The following FGF13 variants were observed in gnomAD, a reference collection of about 807,000 sequenced individuals.
The protein encoded by FGF13 is fibroblast growth factor homologous factor 2.
A neutral mutation model predicts 19.5 loss-of-function variants in FGF13; 2 were observed. The observed-to-expected ratio is 0.10, with a 90% CI of 0.04 to 0.32. The LOEUF (loss-of-function observed/expected upper bound fraction) is 0.32, where lower values mean the gene tolerates loss of function less well. FGF13 is among the 10% of genes least tolerant of loss of function. The probability of loss-of-function intolerance (pLI) is 1.00; values close to 1 mark genes in which losing one functional copy is unlikely to be tolerated. For missense variants in FGF13, 113 were observed against 192.7 expected, an observed-to-expected ratio of 0.59 and a Z score of 2.45; for synonymous variants, 72 against 76.9, an observed-to-expected ratio of 0.94 and a Z score of 0.33.
At chrX:139,150,154 T>C (rs1212405407) in intron 1 of FGF13, among the ~76,000 whole-genome samples, 1 of 111,073 alleles carries the variant, frequency 9.0e-6, no homozygotes, top group Non-Finnish European at 1.9e-5. Flanking sequence ...CAACTCAAAG[T>C]GATAGCTGCT....
chrX:138,875,489 G>A (rs1237089926), intron 1 of FGF13, among the ~76,000 whole-genome samples: 1 of 111,952 alleles, frequency 8.9e-6, no homozygotes, highest in Non-Finnish European at 1.9e-5. Flanking sequence ...AATGACATGC[G>A]ATTACTGAAG....
chrX:138,671,041 C>CACT (rs35135728), intron 3 of FGF13, among the ~76,000 whole-genome samples: 43,130 of 109,476 alleles, frequency 0.39, 7,208 homozygotes, highest in East Asian at 0.64. Flanking sequence ...TCGCCACCAC[C>CACT]ACCACCGCCA....
At chrX:139,038,460 T>C (rs1294195785) in intron 1 of FGF13, among the ~76,000 whole-genome samples, 2 of 111,535 alleles carry the variant, frequency 1.8e-5, no homozygotes, top group Non-Finnish European at 3.8e-5. Flanking sequence ...CCTCACTCCC[T>C]TGACTCCTCT....
chrX:138,817,797 T>G lies in FGF13; in HGVS notation c.217+39715A>C, dbSNP rs185378121. ...TTGAAGTTACAGATGTACATGTTTA[T>G]CTACAACAAGGCCTGGCAAACTTTT... On this transcript the variant is annotated intron_variant, in intron 3 of 6. Coordinates refer to the FGF13 transcript ENST00000436198. Among the ~76,000 whole-genome samples, 9 of 112,408 alleles carry G rather than the reference T, an allele frequency of 8.0e-5. No homozygotes were observed. In the East Asian group the frequency reaches 2.5e-3, roughly 31 times the overall value.
upstream of FGF13, among the ~76,000 whole-genome samples, chrX:138,713,222 T>C (rs1024719129): frequency 1.8e-5 from 2 of 112,618 alleles, no homozygotes; most frequent in African/African-American, 6.5e-5. Flanking sequence ...CTCAAGTCTA[T>C]TCAAGTATCC....
chrX:138,630,499 G>T lies in FGF13; in HGVS notation c.*2351C>A, dbSNP rs991054476. On this transcript the variant is annotated 3_prime_UTR_variant, in exon 5 of 5. Coordinates refer to ENST00000315930, the MANE Select transcript of FGF13 (RefSeq NM_004114.5). ...ATCCAAGATAGCTAGGCAGGTGAGC[G>T]TACCTCATGTAGGTGTGTTTAGAGC... The T allele has an allele frequency of 9.1e-6, 1 of 110,015 alleles. No individual in the cohort carries two copies. The highest frequency in any genetic ancestry group is 3.3e-5 in the African/African-American group (1 of 30,186). The allele number at this position is 110,015 out of a possible 1,213,427, so 9.1% of individuals were successfully genotyped here.
intron 3 of FGF13, among the ~76,000 whole-genome samples, chrX:138,669,781 A>G (rs188595635): frequency 9.0e-6 from 1 of 111,677 alleles, no homozygotes; most frequent in East Asian, 2.9e-4. Flanking sequence ...AGCATTATTT[A>G]CATTTTAGCA....
intron 1 of FGF13, among the ~76,000 whole-genome samples, chrX:139,023,475 A>ATCT (rs2092186503): frequency 9.0e-6 from 1 of 111,206 alleles, no homozygotes; most frequent in Non-Finnish European, 1.9e-5. Flanking sequence ...AAAAAGAAGC[A>ATCT]AAGAGAGAGA....
At chrX:139,046,148 CCTCAGGAAG>C (rs74213121) in intron 1 of FGF13, among the ~76,000 whole-genome samples, 13,962 of 110,517 alleles carry the variant, frequency 0.13, 755 homozygotes, top group South Asian at 0.19. Flanking sequence ...TCTACGGGGG[CCTCAGGAAG>C]CTTACAATCA....
Position 139,064,319 on chromosome X carries a change from G to A in FGF13, c.-113+139097C>T, listed in dbSNP as rs754556636. 1.2e-4 allele frequency among the ~76,000 whole-genome samples: 6 copies of A among 48,111 alleles called. No individual in the cohort carries two copies. The East Asian group carries it at 2.7e-3, about 21-fold the overall frequency. 41.8% of individuals were successfully genotyped at this position (48,111 alleles called of 115,157 possible). A position where few individuals can be genotyped will look rare whatever the true frequency, so the allele number is the denominator to read the frequency against. On this transcript the variant is annotated intron_variant, in intron 1 of 2. Transcript: ENST00000421460. ...TTTTTTTTTTTTTTTTTTTTGAGAC[G>A]GAGTCTCGCTCTGTCGCCCAGGCCG...
At chrX:139,087,117 A>G (rs922906794) in intron 1 of FGF13, among the ~76,000 whole-genome samples, 30 of 111,905 alleles carry the variant, frequency 2.7e-4, no homozygotes, top group Admixed American at 1.0e-3. Context: ...ACCAACATGG[A>G]GAAACCCCGT....
chrX:138,975,515 A>G (rs1255966036), intron 1 of FGF13, among the ~76,000 whole-genome samples: 1 of 110,951 alleles, frequency 9.0e-6, no homozygotes. Context: ...CATGTACCCT[A>G]GAACTTAAAG....
chrX:139,064,872 T>G (rs905677636), intron 1 of FGF13, among the ~76,000 whole-genome samples: 1 of 111,667 alleles, frequency 9.0e-6, no homozygotes, highest in Non-Finnish European at 1.9e-5. Context: ...TTCGTTTCTT[T>G]TCATTCTTTT....
upstream of FGF13, among the ~76,000 whole-genome samples, chrX:138,743,761 C>T (rs1205565722): frequency 9.0e-6 from 1 of 111,486 alleles, no homozygotes; most frequent in African/African-American, 3.3e-5. Context: ...CTGATCTTCA[C>T]GACAACCCTA....
intron 1 of FGF13, among the ~76,000 whole-genome samples, chrX:138,887,857 T>C (rs765809887): frequency 2.1e-4 from 24 of 111,927 alleles, no homozygotes; most frequent in South Asian, 7.6e-4. Context: ...TGCCTTTTTA[T>C]GTTGGCTTCC....
chrX:138,934,545 T>C (rs186906322), intron 1 of FGF13, among the ~76,000 whole-genome samples: 67 of 112,813 alleles, frequency 5.9e-4, no homozygotes, highest in African/African-American at 2.1e-3. Context: ...GATGGGAACT[T>C]GTATTTTATT....
chrX:138,815,892 G>A (rs2090958680), intron 3 of FGF13, among the ~76,000 whole-genome samples: 1 of 111,217 alleles, frequency 9.0e-6, no homozygotes. Flanking sequence ...TTCTTAAACT[G>A]GGTGTAGAAA....
At chrX:139,038,047 G>A (rs925255186) in intron 1 of FGF13, among the ~76,000 whole-genome samples, 5 of 110,923 alleles carry the variant, frequency 4.5e-5, no homozygotes, top group African/African-American at 1.6e-4. Flanking sequence ...GAGAGTGAAA[G>A]AAGGGCAGGG....
chrX:139,105,371 T>C (rs1461201189), intron 1 of FGF13, among the ~76,000 whole-genome samples: 1 of 110,926 alleles, frequency 9.0e-6, no homozygotes, highest in Non-Finnish European at 1.9e-5. Flanking sequence ...GACCACAGAG[T>C]CCTCTTCTGG....
Sources: allele counts gnomAD v4.1 joint callset (sites outside exome capture counted in the v4.1 genomes callset), GRCh38; gene constraint gnomAD v4.1.1; transcripts MANE v1.5; gene names NCBI Gene and HGNC (gene_info 2026-07-23, HGNC 2026-07-21).